The following MATCAP2 variants were observed in gnomAD, a reference collection of about 807,000 sequenced individuals.
MATCAP2 encodes putative tyrosine carboxypeptidase MATCAP2.
the MATCAP2 span, chr7:36,389,966 C>T: frequency 1.2e-6 from 2 of 1,614,084 alleles, no homozygotes; most frequent in Non-Finnish European, 1.7e-6. Context: ...CTGAGACTCA[C>T]TTTTCTCTTC....
the MATCAP2 span, chr7:36,336,108 T>C: frequency 1.1e-3 from 1,515 of 1,324,006 alleles, 11 homozygotes; most frequent in African/African-American, 0.021. Flanking sequence ...AAATAAACTA[T>C]GACTGTCAAT....
the MATCAP2 span, among the ~76,000 whole-genome samples, chr7:36,350,386 T>G: frequency 6.6e-6 from 1 of 152,206 alleles, no homozygotes; most frequent in Admixed American, 6.5e-5. Flanking sequence ...AGGATCACAT[T>G]TAAGTCTTTG....
At chr7:36,372,276 C>T in the MATCAP2 span, among the ~76,000 whole-genome samples, 13 of 151,988 alleles carry the variant, frequency 8.6e-5, no homozygotes, top group African/African-American at 2.2e-4. Context: ...CATTACCAGA[C>T]GCCTCAGGGC....
the MATCAP2 span, among the ~76,000 whole-genome samples, chr7:36,361,824 G>A: frequency 8.5e-5 from 13 of 152,144 alleles, no homozygotes; most frequent in Non-Finnish European, 1.9e-4. Context: ...AAGACTATAC[G>A]ACAATGAAAA....
the MATCAP2 span, among the ~76,000 whole-genome samples, chr7:36,380,346 G>A: frequency 6.6e-6 from 1 of 152,114 alleles, no homozygotes; most frequent in Non-Finnish European, 1.5e-5. Context: ...ACTGTGATAG[G>A]GATTCAAATG....
At chr7:36,381,549 T>A in the MATCAP2 span, among the ~76,000 whole-genome samples, 1 of 151,550 alleles carries the variant, frequency 6.6e-6, no homozygotes, top group Non-Finnish European at 1.5e-5. Context: ...TGGGCACCTG[T>A]AATCCCAGCT....
At chr7:36,382,291 G>A in the MATCAP2 span, among the ~76,000 whole-genome samples, 321 of 109,714 alleles carry the variant, frequency 2.9e-3, 2 homozygotes, top group African/African-American at 0.011. Flanking sequence ...GAGTGACAGC[G>A]TCTGTCTCAA....
chr7:36,368,745 A>G, the MATCAP2 span, among the ~76,000 whole-genome samples: 1 of 152,096 alleles, frequency 6.6e-6, no homozygotes, highest in Non-Finnish European at 1.5e-5. Context: ...CTCATCCCCA[A>G]CTACTTCCTC....
chr7:36,351,434 G>T, the MATCAP2 span, among the ~76,000 whole-genome samples: 2 of 152,182 alleles, frequency 1.3e-5, no homozygotes, highest in South Asian at 2.1e-4. Context: ...GTCTATAAAT[G>T]CAAATGCACT....
chr7:36,364,845 AAGT>A, the MATCAP2 span, among the ~76,000 whole-genome samples: 2 of 152,148 alleles, frequency 1.3e-5, no homozygotes, highest in African/African-American at 2.4e-5. Flanking sequence ...TTAAGAGAGA[AAGT>A]AGTCTGAAAA....
At chr7:36,347,401 A>G in the MATCAP2 span, among the ~76,000 whole-genome samples, 1 of 152,200 alleles carries the variant, frequency 6.6e-6, no homozygotes, top group Non-Finnish European at 1.5e-5. Context: ...TTTTCACTTA[A>G]TGAAAAACTA....
At chr7:36,342,749 T>A in the MATCAP2 span, among the ~76,000 whole-genome samples, 112 of 152,234 alleles carry the variant, frequency 7.4e-4, no homozygotes, top group African/African-American at 2.5e-3. Flanking sequence ...CTCAGCCTCC[T>A]GAGTAGCTGA....
the MATCAP2 span, among the ~76,000 whole-genome samples, chr7:36,342,950 T>C: frequency 6.6e-6 from 1 of 152,122 alleles, no homozygotes; most frequent in East Asian, 1.9e-4. Context: ...TTTACAAAGA[T>C]ACATGAGCTC....
At chr7:36,349,721 T>C in the MATCAP2 span, among the ~76,000 whole-genome samples, 1 of 152,350 alleles carries the variant, frequency 6.6e-6, no homozygotes, top group South Asian at 2.1e-4. Context: ...AAAGCAGATA[T>C]TCAACCTGTT....
chr7:36,364,723 T>C, the MATCAP2 span, among the ~76,000 whole-genome samples: 1 of 152,214 alleles, frequency 6.6e-6, no homozygotes, highest in African/African-American at 2.4e-5. Context: ...AGGGCATGTT[T>C]TCAGCTTAAC....
the MATCAP2 span, among the ~76,000 whole-genome samples, chr7:36,347,509 C>T: frequency 1.3e-5 from 2 of 152,174 alleles, no homozygotes; most frequent in East Asian, 3.8e-4. Context: ...CCACCATTTG[C>T]TGACTGTGTG....
the MATCAP2 span, chr7:36,326,822 G>GT: frequency 6.2e-7 from 1 of 1,613,984 alleles, no homozygotes; most frequent in Non-Finnish European, 8.5e-7. Flanking sequence ...TTCTCTAAGT[G>GT]TTCCATATAT....
At chr7:36,365,688 GA>G in the MATCAP2 span, among the ~76,000 whole-genome samples, 7 of 152,340 alleles carry the variant, frequency 4.6e-5, no homozygotes, top group South Asian at 8.3e-4. Flanking sequence ...GACAGAGCGA[GA>G]CTCCGTCTCA....
At chr7:36,387,535 G>A in the MATCAP2 span, among the ~76,000 whole-genome samples, 1 of 152,184 alleles carries the variant, frequency 6.6e-6, no homozygotes, top group African/African-American at 2.4e-5. Context: ...AGGAGGTATA[G>A]TAGGAGACAA....
Sources: gnomAD v4.1 joint callset for allele counts (sites outside exome capture counted in the v4.1 genomes callset) on GRCh38, gnomAD v4.1.1 for gene constraint, MANE v1.5 for transcripts, NCBI Gene and HGNC (gene_info 2026-07-23, HGNC 2026-07-21) for gene names.